Variants in FMNL2 observed in about 807,000 individuals in gnomAD.
The protein encoded by FMNL2 is formin like 2.
A neutral mutation model predicts 130.2 loss-of-function variants in FMNL2; 51 were observed. The ratio of observed to expected loss-of-function variants is 0.39; its 90% CI spans 0.31 to 0.49. The LOEUF (loss-of-function observed/expected upper bound fraction) is 0.49, where lower values mean the gene tolerates loss of function less well. Among genes scored for constraint, FMNL2 ranks in the 20% least tolerant of loss-of-function variants. FMNL2 has a pLI of 0.85. For missense variants in FMNL2, 977 were observed against 1,316.2 expected (o/e 0.74, Z 3.99); for synonymous variants, 465 against 467.1 (o/e 1.00, Z 0.06).
chr2:152,532,417 CT>C (rs1347901461), intron 2 of FMNL2, among the ~76,000 whole-genome samples: 1 of 152,044 alleles, frequency 6.6e-6, no homozygotes, highest in Non-Finnish European at 1.5e-5. Flanking sequence ...CCAATCAACC[CT>C]TGGTATTGTC....
At chr2:152,458,112 T>A (rs1173064928) in intron 1 of FMNL2, among the ~76,000 whole-genome samples, 1 of 152,168 alleles carries the variant, frequency 6.6e-6, no homozygotes, top group Admixed American at 6.5e-5. Flanking sequence ...TTGGGATGGG[T>A]ATATCTTTAG....
chr2:152,588,299 C>G (rs1213733516), intron 9 of FMNL2, among the ~76,000 whole-genome samples: 1 of 152,220 alleles, frequency 6.6e-6, no homozygotes, highest in Non-Finnish European at 1.5e-5. Flanking sequence ...AACATAGCAT[C>G]TTGTCTCTGT....
At chr2:152,422,365 G>C (rs1004792525) in intron 1 of FMNL2, among the ~76,000 whole-genome samples, 1 of 152,104 alleles carries the variant, frequency 6.6e-6, no homozygotes, top group East Asian at 1.9e-4. Context: ...GCCTGAAGGG[G>C]GACCAGGAAT....
At chr2:152,339,576 C>T (rs1681680498) in intron 1 of FMNL2, among the ~76,000 whole-genome samples, 1 of 152,186 alleles carries the variant, frequency 6.6e-6, no homozygotes, top group Non-Finnish European at 1.5e-5. Context: ...AATTTTAAGT[C>T]TGTGTCTTAG....
chr2:152,591,838 C>T (rs1424445084), intron 9 of FMNL2, among the ~76,000 whole-genome samples: 3 of 151,908 alleles, frequency 2.0e-5, no homozygotes, highest in African/African-American at 7.3e-5. Flanking sequence ...GGTGCGGTGG[C>T]TAACGCCTGT....
intron 1 of FMNL2, among the ~76,000 whole-genome samples, chr2:152,386,428 A>G (rs989814619): frequency 5.3e-5 from 8 of 152,188 alleles, no homozygotes; most frequent in African/African-American, 1.9e-4. Flanking sequence ...ATGTTTTACC[A>G]TAGCAGTTAA....
chr2:152,559,009 G>A (rs1474755143), intron 5 of FMNL2, among the ~76,000 whole-genome samples, 186 bp downstream of exon 5: 2 of 152,090 alleles, frequency 1.3e-5, no homozygotes, highest in African/African-American at 4.8e-5. Flanking sequence ...ATGCCTTTAA[G>A]GCAGAAGTAA....
intron 1 of FMNL2, among the ~76,000 whole-genome samples, chr2:152,385,043 C>T (rs1206606710): frequency 6.6e-6 from 1 of 152,138 alleles, no homozygotes; most frequent in East Asian, 1.9e-4. Flanking sequence ...TGTCTAACTC[C>T]TTGGTGACTT....
At position 152,628,513 on chromosome 2, in the gene FMNL2, A is replaced by G; in HGVS notation, c.2380A>G (p.Ser794Gly). The G allele has an allele frequency of 3.1e-6, 5 of 1,614,010 alleles. No individual in the cohort carries two copies. Among genetic ancestry groups the G allele is most frequent in the Non-Finnish European group, 4.2e-6 (5 of 1,179,864 alleles). ...IMAFIGNFAE[S>G]IQMLTPQLHA... ...GGCCTTCATTGGGAACTTTGCTGAA[A>G]GCATTCAGATGCTGACTCCTGTGAG... Residue 794 changes from serine to glycine, a missense_variant, in exon 18 of 26, where the codon AGC (serine) becomes GGC (glycine). Around this residue, in one of 4 missense-constraint regions of FMNL2, gnomAD observed 689 missense variants for 995.9 expected, o/e 0.69. Transcript: ENST00000288670.
chr2:152,352,311 A>T (rs1486153551), intron 1 of FMNL2, among the ~76,000 whole-genome samples: 1 of 152,168 alleles, frequency 6.6e-6, no homozygotes, highest in African/African-American at 2.4e-5. Flanking sequence ...TAGCTCAGGA[A>T]ACCTGAAAGG....
intron 1 of FMNL2, among the ~76,000 whole-genome samples, chr2:152,385,683 G>T (rs910028224): frequency 1.3e-5 from 2 of 152,234 alleles, no homozygotes; most frequent in African/African-American, 4.8e-5. Context: ...GGTCTCTGCA[G>T]AAGTTTGCCA....
At chr2:152,430,501 C>CGT (rs1441747997) in intron 1 of FMNL2, among the ~76,000 whole-genome samples, 3 of 152,190 alleles carry the variant, frequency 2.0e-5, no homozygotes, top group Admixed American at 6.5e-5. Flanking sequence ...ACGTTGAAGA[C>CGT]GTGAACATTG....
At chr2:152,596,043 ACCT>A (rs1697754898) in intron 9 of FMNL2, among the ~76,000 whole-genome samples, 1 of 148,592 alleles carries the variant, frequency 6.7e-6, no homozygotes, top group South Asian at 2.1e-4. Context: ...GCTCACTGCA[ACCT>A]CCTCCTCTCA....
chr2:152,575,124 T>C lies in FMNL2; in HGVS notation c.597-12T>C. 6.5e-7 allele frequency: 1 copy of C among 1,531,392 alleles called. No individual in the cohort carries two copies. The allele number at this position is 1,531,392 out of a possible 1,614,324, so 94.9% of individuals were successfully genotyped here. Reference sequence around the variant, plus strand: ...CCTGTTGTTTTATAGAAGTTTCTCTTTTTGTTTGTAGATATAATACATTGC... The same window carrying C: ...CCTGTTGTTTTATAGAAGTTTCTCTCTTTGTTTGTAGATATAATACATTGC... On this transcript the variant is annotated splice_polypyrimidine_tract_variant and intron_variant, in intron 6 of 25. Transcript: ENST00000288670.
At chr2:152,433,376 A>T (rs919773855) in intron 1 of FMNL2, among the ~76,000 whole-genome samples, 9 of 152,208 alleles carry the variant, frequency 5.9e-5, no homozygotes, top group Non-Finnish European at 1.0e-4. Context: ...GGGAGAAGTC[A>T]TCTAGGTTAC....
rs28377349 is a variant in FMNL2, at chr2:152,357,122, C to A, written c.117+21402C>A. On this transcript the variant is annotated intron_variant, in intron 1 of 25. Coordinates refer to ENST00000288670, the MANE Select transcript of FMNL2 (RefSeq NM_052905.4). ...GTTTAATGTATCACGATAAATATTA[C>A]ATCAGTTTAATGTATCACGATAAAT... Among the ~76,000 whole-genome samples, 963 of 117,434 alleles carry A rather than the reference C, an allele frequency of 8.2e-3. 8 individuals carry two copies. The highest frequency in any genetic ancestry group is 0.017 in the African/African-American group (454 of 26,938). 77.0% of individuals were successfully genotyped at this position (117,434 alleles called of 152,430 possible).
At chr2:152,350,967 C>T (rs1260347595) in intron 1 of FMNL2, among the ~76,000 whole-genome samples, 1 of 152,126 alleles carries the variant, frequency 6.6e-6, no homozygotes, top group African/African-American at 2.4e-5. Context: ...ATCGCTTGAA[C>T]CTGGGAGGCG....
chr2:152,450,727 A>C (rs903223512), intron 1 of FMNL2, among the ~76,000 whole-genome samples: 1 of 151,430 alleles, frequency 6.6e-6, no homozygotes, highest in Non-Finnish European at 1.5e-5. Flanking sequence ...CTGCTGTCTG[A>C]CCTCCCATCG....
chr2:152,410,802 T>C (rs901085621), intron 1 of FMNL2, among the ~76,000 whole-genome samples: 3 of 152,196 alleles, frequency 2.0e-5, no homozygotes, highest in African/African-American at 7.2e-5. Flanking sequence ...ATTTGCTTGA[T>C]TGAAATGAGA....
Sources: allele counts gnomAD v4.1 joint callset (sites outside exome capture counted in the v4.1 genomes callset), GRCh38; gene constraint gnomAD v4.1.1; regional missense constraint gnomAD v4.1.1; transcripts MANE v1.5; gene names NCBI Gene and HGNC (gene_info 2026-07-23, HGNC 2026-07-21).